RICTOR: variants seen among roughly 807,000 people sequenced by gnomAD.
RICTOR encodes RPTOR independent companion of MTOR complex 2, also known as rapamycin-insensitive companion of mTOR.
In RICTOR, 49 loss-of-function variants were observed where a neutral mutation model predicts 214.9. The observed-to-expected ratio is 0.23, with a 90% CI of 0.18 to 0.29. The LOEUF is 0.29. Among genes scored for constraint, RICTOR ranks in the 10% least tolerant of loss-of-function variants. The pLI is 1.00. For missense variants in RICTOR, 1,625 were observed against 2,047.0 expected (o/e 0.79, Z 3.98); for synonymous variants, 717 against 711.3 (o/e 1.01, Z -0.13).
chr5:39,023,136 A>G (rs1226837767), intron 2 of RICTOR, among the ~76,000 whole-genome samples: 5 of 152,124 alleles, frequency 3.3e-5, no homozygotes, highest in East Asian at 3.9e-4. Flanking sequence ...ACAAAAAAGG[A>G]TAACGGCGGA....
intron 14 of RICTOR, 60 bp downstream of exon 14, chr5:38,967,101 T>C (rs1750297749): frequency 1.5e-6 from 2 of 1,306,226 alleles, no homozygotes; most frequent in Non-Finnish European, 1.1e-6. Flanking sequence ...ACACCTGGCA[T>C]GAAAGAATCT....
At chr5:39,040,118 C>T (rs1399083608) in intron 2 of RICTOR, among the ~76,000 whole-genome samples, 1 of 151,928 alleles carries the variant, frequency 6.6e-6, no homozygotes, top group Non-Finnish European at 1.5e-5. Context: ...ACATATATAC[C>T]ATGGAATACT....
intron 5 of RICTOR, among the ~76,000 whole-genome samples, chr5:39,001,848 G>T (rs1333769086): frequency 6.6e-6 from 1 of 152,072 alleles, no homozygotes; most frequent in African/African-American, 2.4e-5. Context: ...ACTGAAAATA[G>T]CAAGTGTTGA....
chr5:38,953,118 AAATAT>A, intron 28 of RICTOR, 27 bp from the exon 29 acceptor site: 1 of 1,428,570 alleles, frequency 7.0e-7, no homozygotes. Context: ...CACTTACATC[AAATAT>A]AAGAGTCACT....
chr5:38,986,376 A>C (rs865823385), intron 7 of RICTOR, among the ~76,000 whole-genome samples: 1 of 152,182 alleles, frequency 6.6e-6, no homozygotes, highest in Non-Finnish European at 1.5e-5. Flanking sequence ...GGAGTTCATA[A>C]TAGTGTGAAA....
Position 38,952,546 on chromosome 5 carries a change from G to GT in RICTOR, c.2898-122dup, listed in dbSNP as rs1748885487. 6.3e-6 allele frequency: 3 copies of GT among 475,486 alleles called. No individual in the cohort carries two copies. The South Asian group carries it at 9.6e-5, about 15-fold the overall frequency. 29.5% of individuals were successfully genotyped at this position (475,486 alleles called of 1,614,324 possible). A position where few individuals can be genotyped will look rare whatever the true frequency, so the allele number is the denominator to read the frequency against. On this transcript the variant is annotated intron_variant, in intron 29 of 37. Coordinates refer to ENST00000357387, the MANE Select transcript of RICTOR (RefSeq NM_152756.5). ...CTCTAAAACCCACCAAAATGGTTGC[G>GT]TTTGTGGAAAAAAAAAAACTTATTA...
rs764422174 is a variant in RICTOR at position 39,074,071 on chromosome 5, AGCAGCGCGCCCTCGCGGCGCCC to A, written c.97+18_97+39del. On this transcript the variant is annotated intron_variant, in intron 2 of 37. Coordinates refer to ENST00000357387, the MANE Select transcript of RICTOR (RefSeq NM_152756.5). ...CCAGCCCCGGACCCGGCTCCTCCCC[AGCAGCGCGCCCTCGCGGCGCCC>A]GCGGCGCCCCGCGTTACCTCGGGTC... 73 of 1,512,560 alleles carry A rather than the reference AGCAGCGCGCCCTCGCGGCGCCC, an allele frequency of 4.8e-5. 1 individual carries two copies. The highest frequency in any genetic ancestry group is 3.2e-4 in the South Asian group (27 of 83,512). 93.7% of individuals were successfully genotyped at this position (1,512,560 alleles called of 1,614,324 possible).
intron 16 of RICTOR, among the ~76,000 whole-genome samples, chr5:38,964,164 A>G (rs1256876015): frequency 2.6e-5 from 4 of 151,986 alleles, no homozygotes; most frequent in Admixed American, 2.6e-4. Context: ...AGACATTCCT[A>G]GCGTAGATAT....
At chr5:39,045,633 A>G (rs1757435874) in intron 2 of RICTOR, among the ~76,000 whole-genome samples, 1 of 152,218 alleles carries the variant, frequency 6.6e-6, no homozygotes, top group African/African-American at 2.4e-5. Context: ...AGGCTGAGAC[A>G]TTAATTTTTA....
chr5:39,039,670 A>C (rs1757017667), intron 2 of RICTOR, among the ~76,000 whole-genome samples: 1 of 152,186 alleles, frequency 6.6e-6, no homozygotes, highest in African/African-American at 2.4e-5. Flanking sequence ...ATGAACAGAC[A>C]CTTCTCAAAA....
At position 38,950,654 on chromosome 5, in the gene RICTOR, T is replaced by C. The variant is rs199854036; in HGVS notation, c.3194A>G (p.Asn1065Ser). 6.8e-5 allele frequency: 109 copies of C among 1,612,098 alleles called. No individual in the cohort carries two copies. In the Middle Eastern group the frequency reaches 8.3e-4, roughly 12 times the overall value. ...ATAAAATGTTGGCTCTGTATCTTCA[T>C]TGATATCAAGGAAAAATGTGCTAGT... ...SSTSTFFLDI[N>S]EDTEPTFYDR... is the part of the protein sequence containing the mutation. The change falls in exon 31 of 38, where the codon AAT becomes AGT. Residue 1065 changes from asparagine to serine, a missense_variant. Physicochemically the swap from Asn to Ser is conservative, Grantham distance 46. This residue lies in a region of RICTOR where 1,214 missense variants were observed against 1,470.5 expected (regional missense o/e 0.83). Transcript: ENST00000357387.
At chr5:38,960,739 C>T (rs1749721462) in intron 19 of RICTOR, among the ~76,000 whole-genome samples, 1 of 16,804 alleles carries the variant, frequency 6.0e-5, no homozygotes, top group African/African-American at 1.0e-4. Context: ...AATTGTAGTT[C>T]CCATAATCCC....
chr5:38,990,574 T>TACACG (rs1341622405), intron 7 of RICTOR, among the ~76,000 whole-genome samples: 8 of 79,568 alleles, frequency 1.0e-4, no homozygotes, highest in African/African-American at 1.8e-4. Flanking sequence ...ACACGATATA[T>TACACG]ATGATATATA....
intron 15 of RICTOR, among the ~76,000 whole-genome samples, 198 bp from the exon 16 acceptor site, chr5:38,965,090 T>C (rs534456987): frequency 1.4e-3 from 208 of 152,110 alleles, no homozygotes; most frequent in Non-Finnish European, 2.3e-3. Flanking sequence ...GGATGGAATA[T>C]AAAGATACAC....
intron 2 of RICTOR, among the ~76,000 whole-genome samples, chr5:39,056,668 AAAAT>A (rs1204255920): frequency 6.6e-6 from 1 of 152,166 alleles, no homozygotes; most frequent in Non-Finnish European, 1.5e-5. Context: ...TTAAAAAAAA[AAAAT>A]GACAAGTGAC....
At chr5:39,003,831 C>T (rs2150108018) in intron 3 of RICTOR, among the ~76,000 whole-genome samples, 1 of 152,126 alleles carries the variant, frequency 6.6e-6, no homozygotes, top group South Asian at 2.1e-4. Flanking sequence ...TTTTATCTTT[C>T]CTGCCTTTTA....
intron 2 of RICTOR, among the ~76,000 whole-genome samples, chr5:39,039,403 T>A (rs999514363): frequency 6.6e-6 from 1 of 152,152 alleles, no homozygotes; most frequent in Non-Finnish European, 1.5e-5. Flanking sequence ...GACATAGGCA[T>A]GGGCAAAGAC....
chr5:38,973,538 T>C (rs1579962908), intron 10 of RICTOR, among the ~76,000 whole-genome samples: 1 of 152,200 alleles, frequency 6.6e-6, no homozygotes, highest in Non-Finnish European at 1.5e-5. Context: ...TTATGACATG[T>C]TAGGGAAAAC....
At chr5:39,042,922 T>G (rs898037686) in intron 2 of RICTOR, among the ~76,000 whole-genome samples, 9 of 152,264 alleles carry the variant, frequency 5.9e-5, no homozygotes, top group Admixed American at 5.9e-4. Flanking sequence ...ACCACTGTAC[T>G]CTAGCCTGGG....
Sources: allele counts gnomAD v4.1 joint callset (sites outside exome capture counted in the v4.1 genomes callset), GRCh38; gene constraint gnomAD v4.1.1; regional missense constraint gnomAD v4.1.1; transcripts MANE v1.5; gene names NCBI Gene and HGNC (gene_info 2026-07-23, HGNC 2026-07-21).